Variants in NPHP3 observed in about 807,000 individuals in gnomAD.
NPHP3 encodes nephrocystin 3.
NPHP3 carries 123 observed loss-of-function variants against 171.9 expected under a neutral mutation model. That is an observed-to-expected ratio of 0.72 (90% CI 0.62 to 0.83). The LOEUF (loss-of-function observed/expected upper bound fraction) is 0.83, where lower values mean the gene tolerates loss of function less well. Among genes scored for constraint, NPHP3 ranks in the 40% least tolerant of loss-of-function variants. The probability of loss-of-function intolerance (pLI) is 0.00; values close to 1 mark genes in which losing one functional copy is unlikely to be tolerated. For missense variants in NPHP3, 1,506 were observed against 1,591.9 expected (o/e 0.95, Z 0.92); for synonymous variants, 558 against 579.2 (o/e 0.96, Z 0.52).
rs1486007292 is a variant in NPHP3, at chr3:132,689,236, A to G, written c.2721T>C (p.Tyr907=). Residue 907 remains tyrosine, a synonymous_variant, in exon 20 of 27, where the codon TAT becomes TAC. Transcript: ENST00000337331. The stretch of plus-strand genomic sequence containing the variant: ...TTTTGTCTTTGCCAACAAACTGCCA[A>G]TAACTCAGCAACTCAGCAAAGTGTC... ...KRGHFAELLS[Y]WQFVGKDKSA... is the part of the protein sequence containing the mutation. The G allele has an allele frequency of 1.2e-6, 2 of 1,614,064 alleles. No individual in the cohort carries two copies. The highest frequency in any genetic ancestry group is 8.5e-7 in the Non-Finnish European group (1 of 1,179,978).
intron 10 of NPHP3, among the ~76,000 whole-genome samples, chr3:132,700,783 T>C (rs1033245083): frequency 6.6e-6 from 1 of 152,082 alleles, no homozygotes; most frequent in African/African-American, 2.4e-5. Context: ...TACAAAAATA[T>C]TATTTTCCAA....
At chr3:132,693,158 C>T (rs772512302) in intron 16 of NPHP3, 7 of 256,674 alleles carry the variant, frequency 2.7e-5, no homozygotes, top group African/African-American at 6.9e-5. Flanking sequence ...CTATTATAAA[C>T]ACGTATGAAT....
Position 132,687,227 on chromosome 3 carries a change from CT to C in NPHP3, c.3126-2del. On this transcript the variant is annotated splice_acceptor_variant, in intron 21 of 26. Transcript: ENST00000337331. LOFTEE classifies it high-confidence loss of function. ...CCTAAAATGTTCAGCTTGTTCATAT[CT>C]TAAAAAAAAATTACAGTAAGTCAAA... The C allele has an allele frequency of 7.9e-7, 1 of 1,264,664 alleles. No homozygotes were observed. The highest frequency in any genetic ancestry group is 1.2e-6 in the Non-Finnish European group (1 of 869,320). The allele number at this position is 1,264,664 out of a possible 1,614,324, so 78.3% of individuals were successfully genotyped here. A position where few individuals can be genotyped will look rare whatever the true frequency, so the allele number is the denominator to read the frequency against.
intron 9 of NPHP3, 71 bp downstream of exon 9, chr3:132,704,127 T>C: frequency 7.1e-7 from 1 of 1,411,892 alleles, no homozygotes. Context: ...TATATTTAGA[T>C]GAAAATACAA....
chr3:132,722,400 G>A lies in NPHP3; in HGVS notation c.-45C>T, dbSNP rs779248135. The A allele has an allele frequency of 1.3e-6, 2 of 1,546,766 alleles. No homozygotes were observed. Among genetic ancestry groups the A allele is most frequent in the South Asian group, 1.2e-5 (1 of 85,522 alleles). ...ACCTAGTGAGTACCAGCAGGACTGG[G>A]CAGCGGAACGGAACGGGACGGGGTG... On this transcript the variant is annotated 5_prime_UTR_variant, in exon 1 of 27. Transcript: ENST00000337331.
chr3:132,688,585 A>G (rs541095721), intron 21 of NPHP3, 65 bp downstream of exon 21: 28 of 1,552,364 alleles, frequency 1.8e-5, no homozygotes, highest in African/African-American at 1.8e-4. Flanking sequence ...AGCTTACCCT[A>G]TAAGTACACT....
chr3:132,691,804 G>C (rs11708051), intron 17 of NPHP3, among the ~76,000 whole-genome samples: 62,568 of 151,954 alleles, frequency 0.41, 15,581 homozygotes, highest in East Asian at 0.76. Context: ...GACCAAGAAC[G>C]ACCTCAATTA....
Position 132,684,592 on chromosome 3 carries a change from A to G in NPHP3, c.3532T>C (p.Tyr1178His), listed in dbSNP as rs113637009. ...AAGATGGCAAGATGCTTCACCGTAT[A>G]TGCCAAAGAAGGGTGATCAGGAGCT... ...ALAPDHPSLAYTVKHLAILYK... is the reference protein window; with the variant it reads ...ALAPDHPSLAHTVKHLAILYK... The change falls in exon 24 of 27, where the codon TAT becomes CAT. Residue 1178 changes from tyrosine (Y) to histidine (H), a missense_variant. Physicochemically the swap from Tyr to His is moderately conservative, Grantham distance 83 (BLOSUM62 2). Around this residue, in one of 3 missense-constraint regions of NPHP3, gnomAD observed 569 missense variants for 648.1 expected, o/e 0.88. Transcript: ENST00000337331. 11 of 1,614,062 alleles carry G rather than the reference A, an allele frequency of 6.8e-6. No individual in the cohort carries two copies. Among genetic ancestry groups the G allele is most frequent in the African/African-American group, 6.7e-5 (5 of 75,060 alleles).
chr3:132,720,496 A>G (rs1940178273), intron 1 of NPHP3, among the ~76,000 whole-genome samples: 1 of 152,274 alleles, frequency 6.6e-6, no homozygotes, highest in South Asian at 2.1e-4. Flanking sequence ...GCTTGGATAC[A>G]TTGAATCAGA....
At chr3:132,700,236 A>C in intron 11 of NPHP3, 98 bp downstream of exon 11, 2 of 1,147,924 alleles carry the variant, frequency 1.7e-6, no homozygotes, top group Non-Finnish European at 2.6e-6. Context: ...AAACAGGTGG[A>C]TAATACTGAA....
Position 132,697,256 on chromosome 3 carries a change from A to C in NPHP3, c.2088+4T>G, listed in dbSNP as rs763101145. ...AAGATTGCATCAAAATGAAAAATAC[A>C]CACCTGCTCTTTACTCAATTTAATG... is the stretch of plus-strand genomic sequence containing the variant. On this transcript the variant is annotated splice_donor_region_variant and intron_variant, in intron 14 of 26. Coordinates refer to ENST00000337331, the MANE Select transcript of NPHP3 (RefSeq NM_153240.5). The C allele has an allele frequency of 1.9e-6, 3 of 1,572,926 alleles. No individual in the cohort carries two copies. The South Asian group carries it at 3.3e-5, about 17-fold the overall frequency.
At chr3:132,687,953 A>G (rs957399926) in intron 21 of NPHP3, among the ~76,000 whole-genome samples, 1 of 152,190 alleles carries the variant, frequency 6.6e-6, no homozygotes, top group Non-Finnish European at 1.5e-5. Flanking sequence ...TAATATATAC[A>G]TGAAAAAAAT....
rs886058000 is a variant in NPHP3, at chr3:132,681,258, CTTTTTTTTTTT to C, written c.*641_*651del. ...GAGAGCTCAAAAGAATCATGGAATTCTTTTTTTTTTTTTTTTTTTTTTTGAGACAGAGTCTC... is the reference window on the plus strand; with the variant it reads ...GAGAGCTCAAAAGAATCATGGAATTCTTTTTTTTTTTTGAGACAGAGTCTC... On this transcript the variant is annotated 3_prime_UTR_variant, in exon 27 of 27. Transcript: ENST00000337331. The C allele has an allele frequency of 4.7e-5, 5 of 105,658 alleles. No homozygotes were observed. The highest frequency in any genetic ancestry group is 1.4e-4 in the African/African-American group (4 of 27,612). 6.5% of individuals were successfully genotyped at this position (105,658 alleles called of 1,614,324 possible).
intron 6 of NPHP3, among the ~76,000 whole-genome samples, chr3:132,711,791 G>A (rs965716366): frequency 6.6e-6 from 1 of 151,974 alleles, no homozygotes; most frequent in Non-Finnish European, 1.5e-5. Context: ...AAGGGAAGGG[G>A]TGGATAGCAA....
At chr3:132,698,002 G>C (rs562139778) in intron 13 of NPHP3, among the ~76,000 whole-genome samples, 1 of 149,824 alleles carries the variant, frequency 6.7e-6, no homozygotes, top group African/African-American at 2.5e-5. Context: ...TTTTTTTTGA[G>C]GCAGAGTCTC....
intron 13 of NPHP3, among the ~76,000 whole-genome samples, chr3:132,697,719 T>C (rs2107977899): frequency 6.6e-6 from 1 of 152,336 alleles, no homozygotes; most frequent in South Asian, 2.1e-4. Flanking sequence ...CACAAGCACT[T>C]GTAATGCAAC....
intron 1 of NPHP3, 150 bp downstream of exon 1, chr3:132,721,813 A>G (rs1388488625): frequency 1.4e-5 from 14 of 990,118 alleles, no homozygotes; most frequent in Non-Finnish European, 2.2e-5. Flanking sequence ...GGGAGGGTTA[A>G]GGAATCATTT....
In NPHP3 at chr3:132,722,083, G is replaced by A. The variant is rs780683528; in HGVS notation, c.273C>T (p.Tyr91=). Reference sequence around the variant, plus strand: ...TCTCGTACTCCTTCCTGAGCCGCTCGTACTCGGCCGCCGCGTACTCCAGCT... The same window carrying A: ...TCTCGTACTCCTTCCTGAGCCGCTCATACTCGGCCGCCGCGTACTCCAGCT... ...VPELEYAAAE[Y]ERLRKEYEIF... The change falls in exon 1 of 27, where the codon TAC becomes TAT. Residue 91 remains tyrosine, a synonymous_variant. Coordinates refer to ENST00000337331, the MANE Select transcript of NPHP3 (RefSeq NM_153240.5). The A allele has an allele frequency of 3.0e-5, 48 of 1,610,780 alleles. No individual in the cohort carries two copies. In the South Asian group the frequency reaches 4.6e-4, roughly 15 times the overall value.
intron 7 of NPHP3, among the ~76,000 whole-genome samples, chr3:132,706,699 A>C (rs1324216909): frequency 2.6e-5 from 4 of 152,220 alleles, no homozygotes; most frequent in Admixed American, 2.6e-4. Flanking sequence ...TTACATTTAT[A>C]ATCATGGCAG....
Sources: allele counts gnomAD v4.1 joint callset (sites outside exome capture counted in the v4.1 genomes callset), GRCh38; gene constraint gnomAD v4.1.1; regional missense constraint gnomAD v4.1.1; transcripts MANE v1.5; gene names NCBI Gene and HGNC (gene_info 2026-07-23, HGNC 2026-07-21).